NXPH1: variants seen among roughly 807,000 people sequenced by gnomAD.
The protein encoded by NXPH1 is neurexophilin-1.
A neutral mutation model predicts 23.7 loss-of-function variants in NXPH1; 5 were observed. The ratio of observed to expected loss-of-function variants is 0.21; its 90% confidence interval spans 0.11 to 0.44. The LOEUF (loss-of-function observed/expected upper bound fraction) is 0.44, where lower values mean the gene tolerates loss of function less well. Among genes scored for constraint, NXPH1 ranks in the 20% least tolerant of loss-of-function variants. The pLI is 0.99. For missense variants in NXPH1, 324 were observed against 321.6 expected (o/e 1.01, Z -0.06); for synonymous variants, 144 against 122.2 (o/e 1.18, Z -1.18).
intron 2 of NXPH1, among the ~76,000 whole-genome samples, chr7:8,544,705 T>G (rs565741234): frequency 6.6e-6 from 1 of 151,750 alleles, no homozygotes; most frequent in African/African-American, 2.4e-5. Flanking sequence ...CTAAAGTGCC[T>G]GTTTCTTTAA....
chr7:8,518,545 G>A (rs973558118), intron 2 of NXPH1, among the ~76,000 whole-genome samples: 1 of 152,042 alleles, frequency 6.6e-6, no homozygotes, highest in South Asian at 2.1e-4. Context: ...AGGCTGGGTT[G>A]GAGTGATGCA....
chr7:8,667,683 A>G (rs1318542107), intron 2 of NXPH1, among the ~76,000 whole-genome samples: 2 of 152,002 alleles, frequency 1.3e-5, no homozygotes, highest in Non-Finnish European at 2.9e-5. Context: ...TTTAGATTGA[A>G]TCTAATTGGA....
chr7:8,613,156 GT>G (rs796900483), intron 2 of NXPH1, among the ~76,000 whole-genome samples: 32 of 149,940 alleles, frequency 2.1e-4, no homozygotes, highest in African/African-American at 6.4e-4. Flanking sequence ...GATTCAGAGG[GT>G]TTTTTTTTCA....
At chr7:8,649,244 T>G (rs1820449703) in intron 2 of NXPH1, among the ~76,000 whole-genome samples, 1 of 152,212 alleles carries the variant, frequency 6.6e-6, no homozygotes, top group Non-Finnish European at 1.5e-5. Flanking sequence ...TGCCAACATA[T>G]TTCAGTATAA....
At chr7:8,603,516 G>A (rs1057107681) in intron 2 of NXPH1, among the ~76,000 whole-genome samples, 5 of 152,088 alleles carry the variant, frequency 3.3e-5, no homozygotes, top group Non-Finnish European at 5.9e-5. Context: ...ATTTGCTTAA[G>A]ACCCCTCAAG....
intron 2 of NXPH1, among the ~76,000 whole-genome samples, chr7:8,597,078 C>G (rs1205946780): frequency 2.6e-5 from 4 of 151,946 alleles, no homozygotes; most frequent in African/African-American, 9.7e-5. Context: ...TGGTCATTCA[C>G]AGCTGAGGGA....
chr7:8,545,618 T>G (rs1818187307), intron 2 of NXPH1, among the ~76,000 whole-genome samples: 1 of 151,544 alleles, frequency 6.6e-6, no homozygotes, highest in Non-Finnish European at 1.5e-5. Flanking sequence ...GTATTTGCTC[T>G]TAGCAACTCT....
intron 2 of NXPH1, among the ~76,000 whole-genome samples, chr7:8,654,992 C>A (rs1273636137): frequency 3.3e-5 from 5 of 152,068 alleles, no homozygotes; most frequent in Non-Finnish European, 7.4e-5. Flanking sequence ...ATCCAGATTG[C>A]TTATTTAATA....
At chr7:8,670,943 C>A (rs1209374197) in intron 2 of NXPH1, among the ~76,000 whole-genome samples, 2 of 152,140 alleles carry the variant, frequency 1.3e-5, no homozygotes, top group African/African-American at 4.8e-5. Context: ...GCACCTCTGA[C>A]ATGGTCTTAT....
chr7:8,518,895 T>A (rs1051914402), intron 2 of NXPH1, among the ~76,000 whole-genome samples: 1 of 152,140 alleles, frequency 6.6e-6, no homozygotes, highest in African/African-American at 2.4e-5. Context: ...TTATATCTCC[T>A]TCCCCAGCTT....
At position 8,716,726 on chromosome 7, in the gene NXPH1, T is replaced by TA. The variant is rs560458366; in HGVS notation, c.55-34275dup. On this transcript the variant is annotated intron_variant, in intron 2 of 2. Coordinates refer to ENST00000405863, the MANE Select transcript of NXPH1 (RefSeq NM_152745.3). ...GATGAACAATGAAGAGTACATGATT[T>TA]AAAAAAACCTGCAGGGAATATTTAA... Among the ~76,000 whole-genome samples the TA allele has an allele frequency of 2.8e-4, 43 of 152,290 alleles. No individual in the cohort carries two copies. The East Asian group carries it at 7.9e-3, about 28-fold the overall frequency.
intron 2 of NXPH1, among the ~76,000 whole-genome samples, chr7:8,531,186 T>C (rs1433255207): frequency 6.6e-6 from 1 of 152,180 alleles, no homozygotes; most frequent in Non-Finnish European, 1.5e-5. Context: ...CTCTGCACAG[T>C]GTTTCACTTA....
intron 2 of NXPH1, among the ~76,000 whole-genome samples, chr7:8,662,189 T>TACACACACAC (rs60107144): frequency 7.8e-4 from 118 of 150,722 alleles, no homozygotes; most frequent in Non-Finnish European, 1.5e-3. Context: ...TATATATATA[T>TACACACACAC]ACACACATAT....
At chr7:8,469,487 C>T (rs1816836403) in intron 2 of NXPH1, among the ~76,000 whole-genome samples, 2 of 152,078 alleles carry the variant, frequency 1.3e-5, no homozygotes, top group Non-Finnish European at 2.9e-5. Flanking sequence ...TATATGTGCT[C>T]TCAGTTTCTT....
rs73244893 is a variant in NXPH1 at position 8,751,842 on chromosome 7, A to G, written c.*73A>G. 4,330 of 1,396,174 alleles carry G rather than the reference A, an allele frequency of 3.1e-3. 132 individuals are homozygous for G. The African/African-American group carries it at 0.056, about 18-fold the overall frequency. The allele number at this position is 1,396,174 out of a possible 1,614,324, so 86.5% of individuals were successfully genotyped here. A position where few individuals can be genotyped will look rare whatever the true frequency, so the allele number is the denominator to read the frequency against. The stretch of plus-strand genomic sequence containing the variant: ...TGACAGGGCTGTTACCTCAAAGAAG[A>G]AGGTCACATCTGTTGCCTGGAATGT... On this transcript the variant is annotated 3_prime_UTR_variant, in exon 3 of 3. Coordinates refer to ENST00000405863, the MANE Select transcript of NXPH1 (RefSeq NM_152745.3). This position sits in a 1 kb window ranked among gnomAD's most constrained non-coding sequence, Gnocchi z 4.5.
At chr7:8,590,980 A>G (rs1819082650) in intron 2 of NXPH1, among the ~76,000 whole-genome samples, 1 of 152,066 alleles carries the variant, frequency 6.6e-6, no homozygotes, top group African/African-American at 2.4e-5. Context: ...TTCTGTGTAC[A>G]CAATAGCATG....
chr7:8,520,692 C>T (rs1023466789), intron 2 of NXPH1, among the ~76,000 whole-genome samples: 6 of 151,992 alleles, frequency 3.9e-5, no homozygotes, highest in Non-Finnish European at 8.8e-5. Context: ...TTTTCAGTGT[C>T]ACTCTTCCCA....
chr7:8,683,426 A>G (rs1202488909), intron 2 of NXPH1, among the ~76,000 whole-genome samples: 2 of 152,136 alleles, frequency 1.3e-5, no homozygotes, highest in Admixed American at 1.3e-4. Context: ...TATATCTCCA[A>G]AGTTTCCCAA....
At chr7:8,614,520 C>T (rs780200940) in intron 2 of NXPH1, among the ~76,000 whole-genome samples, 6 of 151,552 alleles carry the variant, frequency 4.0e-5, no homozygotes, top group African/African-American at 9.7e-5. Context: ...TATACATACA[C>T]GTTTAGAAAT....
Sources: allele counts gnomAD v4.1 joint callset (sites outside exome capture counted in the v4.1 genomes callset), GRCh38; gene constraint gnomAD v4.1.1; non-coding constraint Gnocchi (gnomAD v3.1); transcripts MANE v1.5; gene names NCBI Gene and HGNC (gene_info 2026-07-23, HGNC 2026-07-21).